DMD: variants seen among roughly 807,000 people sequenced by gnomAD.
DMD encodes dystrophin, also known as mutant dystrophin.
Under a neutral mutation model 330.1 loss-of-function variants are expected in DMD, and 63 were observed. That is an observed-to-expected ratio of 0.19 (90% CI 0.16 to 0.24). The LOEUF (loss-of-function observed/expected upper bound fraction) is 0.24. Among genes scored for constraint, DMD ranks in the 10% least tolerant of loss-of-function variants. The pLI, the probability that DMD is intolerant of heterozygous loss-of-function variation, is 1.00. For missense variants in DMD, 3,344 were observed against 2,684.1 expected (o/e 1.25, Z -5.43); for synonymous variants, 1,223 against 959.8 (o/e 1.27, Z -5.07).
chrX:32,650,415 T>A (rs769576684), intron 9 of DMD, among the ~76,000 whole-genome samples: 2 of 111,752 alleles, frequency 1.8e-5, no homozygotes, highest in African/African-American at 6.5e-5. Flanking sequence ...TTTTGGTGTA[T>A]TCTATAATCT....
At chrX:32,856,944 G>A (rs754763289) in intron 2 of DMD, among the ~76,000 whole-genome samples, 35 of 110,533 alleles carry the variant, frequency 3.2e-4, no homozygotes, top group South Asian at 7.8e-4. Flanking sequence ...GCTTGGTGGC[G>A]GGCACCTGCA....
chrX:31,304,423 G>A (rs922299585), intron 62 of DMD, among the ~76,000 whole-genome samples: 3 of 110,527 alleles, frequency 2.7e-5, no homozygotes, highest in Non-Finnish European at 3.8e-5. Flanking sequence ...AAAAGCATAG[G>A]AAAAATTTTT....
At chrX:31,365,882 C>T (rs2059203707) in intron 60 of DMD, among the ~76,000 whole-genome samples, 1 of 112,600 alleles carries the variant, frequency 8.9e-6, no homozygotes. Context: ...AAATCCTTGT[C>T]TGGGTCTAAA....
chrX:31,853,869 G>C (rs780634772), intron 48 of DMD, among the ~76,000 whole-genome samples: 2 of 112,178 alleles, frequency 1.8e-5, no homozygotes, highest in South Asian at 7.6e-4. Context: ...TGGAAACTAT[G>C]TTACAAGGCA....
intron 11 of DMD, among the ~76,000 whole-genome samples, chrX:32,623,830 GTTATT>G (rs1180384648): frequency 8.9e-6 from 1 of 111,882 alleles, no homozygotes; most frequent in Non-Finnish European, 1.9e-5. Context: ...CCTAGCTACT[GTTATT>G]TTATTTCTGA....
intron 7 of DMD, among the ~76,000 whole-genome samples, chrX:32,737,710 G>C (rs2068704149): frequency 9.0e-6 from 1 of 111,632 alleles, no homozygotes; most frequent in African/African-American, 3.2e-5. Flanking sequence ...AAGGTGTATA[G>C]GCCAGGCCCA....
chrX:32,654,592 G>C (rs1408043347), intron 9 of DMD, among the ~76,000 whole-genome samples: 1 of 105,955 alleles, frequency 9.4e-6, no homozygotes, highest in Non-Finnish European at 1.9e-5. Context: ...GTTCATCAAG[G>C]ATATTGGTCT....
At chrX:32,448,137 T>C (rs1028821152) in intron 27 of DMD, among the ~76,000 whole-genome samples, 2 of 110,905 alleles carry the variant, frequency 1.8e-5, no homozygotes, top group African/African-American at 6.5e-5. Context: ...ATTTATAGGA[T>C]TTTATGACCT....
chrX:32,744,955 T>G (rs2069788243), intron 7 of DMD, among the ~76,000 whole-genome samples: 1 of 111,557 alleles, frequency 9.0e-6, no homozygotes. Context: ...TGAGTCAAAT[T>G]TTCCAGACCA....
In DMD at chrX:31,693,137, A is replaced by C. The variant is rs780119402; in HGVS notation, c.7661-13551T>G. Among the ~76,000 whole-genome samples the C allele has an allele frequency of 2.7e-5, 3 of 112,373 alleles. No individual in the cohort carries two copies. The East Asian group carries it at 8.4e-4, about 31-fold the overall frequency. ...TGTTTCAATATATGCAAATTAATAA[A>C]TGTGATTCAACATATAACAGAATGA... On this transcript the variant is annotated intron_variant, in intron 52 of 78. Coordinates refer to ENST00000357033, the MANE Select transcript of DMD (RefSeq NM_004006.3).
chrX:32,474,452 T>C, intron 21 of DMD, among the ~76,000 whole-genome samples: 1 of 112,056 alleles, frequency 8.9e-6, no homozygotes, highest in South Asian at 3.7e-4. Flanking sequence ...TTTTCCATAG[T>C]GGCTGTACTT....
intron 9 of DMD, among the ~76,000 whole-genome samples, chrX:32,684,378 T>C (rs772741268): frequency 1.8e-5 from 2 of 111,778 alleles, no homozygotes; most frequent in South Asian, 3.7e-4. Context: ...TTTCATGATA[T>C]TGCATTAAAA....
chrX:32,182,037 G>A (rs769946089), intron 44 of DMD, among the ~76,000 whole-genome samples: 2 of 112,107 alleles, frequency 1.8e-5, no homozygotes, highest in African/African-American at 3.2e-5. Flanking sequence ...CAGGCAAGGT[G>A]CAGCTGAAAG....
intron 57 of DMD, among the ~76,000 whole-genome samples, chrX:31,494,497 C>A (rs1357671415): frequency 9.0e-6 from 1 of 111,395 alleles, no homozygotes; most frequent in African/African-American, 3.3e-5. Flanking sequence ...GTGAAATTCA[C>A]GAAAGGTTAA....
At chrX:31,350,383 T>G (rs2058325682) in intron 60 of DMD, among the ~76,000 whole-genome samples, 1 of 112,289 alleles carries the variant, frequency 8.9e-6, no homozygotes. Flanking sequence ...CTGAAGCACT[T>G]CTATCATATA....
intron 44 of DMD, among the ~76,000 whole-genome samples, chrX:31,990,253 G>C (rs1318813499): frequency 9.0e-6 from 1 of 111,590 alleles, no homozygotes; most frequent in Non-Finnish European, 1.9e-5. Flanking sequence ...CCTTTTGGGT[G>C]AGCTCTTTAT....
intron 41 of DMD, among the ~76,000 whole-genome samples, chrX:32,314,294 G>T (rs2097575118): frequency 9.0e-6 from 1 of 111,435 alleles, no homozygotes; most frequent in Admixed American, 9.6e-5. Context: ...CAAGCAATGT[G>T]GAAAAGATTC....
intron 51 of DMD, among the ~76,000 whole-genome samples, chrX:31,744,586 G>A (rs893143723): frequency 2.7e-5 from 3 of 112,079 alleles, no homozygotes; most frequent in African/African-American, 9.7e-5. Flanking sequence ...CCTATTCAGA[G>A]GAATCTATAC....
intron 55 of DMD, among the ~76,000 whole-genome samples, chrX:31,525,724 G>C (rs2073192481): frequency 8.9e-6 from 1 of 112,277 alleles, no homozygotes; most frequent in Admixed American, 9.5e-5. Context: ...TATTTTAAAA[G>C]AGGCACATAA....
Sources: gnomAD v4.1 joint callset for allele counts (sites outside exome capture counted in the v4.1 genomes callset) on GRCh38, gnomAD v4.1.1 for gene constraint, MANE v1.5 for transcripts, NCBI Gene and HGNC (gene_info 2026-07-23, HGNC 2026-07-21) for gene names.